TRERF1: variants seen among roughly 807,000 people sequenced by gnomAD.
TRERF1 encodes the protein transcriptional-regulating factor 1.
A neutral mutation model predicts 122.9 loss-of-function variants in TRERF1; 27 were observed. That is an observed-to-expected ratio of 0.22 (90% CI 0.16 to 0.30). The LOEUF (loss-of-function observed/expected upper bound fraction) is 0.30. Among genes scored for constraint, TRERF1 ranks in the 10% least tolerant of loss-of-function variants. The pLI is 1.00. For synonymous variants in TRERF1, 636 were observed against 641.7 expected, an observed-to-expected ratio of 0.99 and a Z score of 0.13; for missense variants, 1,248 against 1,560.3, an observed-to-expected ratio of 0.80 and a Z score of 3.37.
At chr6:42,233,646 C>T (rs1771351152) in intron 16 of TRERF1, among the ~76,000 whole-genome samples, 2 of 152,004 alleles carry the variant, frequency 1.3e-5, no homozygotes, top group Admixed American at 6.5e-5. Context: ...TTCCTTCCTT[C>T]CTCTTTCCCT....
At chr6:42,421,147 C>T (rs1410951809) in intron 2 of TRERF1, among the ~76,000 whole-genome samples, 2 of 152,204 alleles carry the variant, frequency 1.3e-5, no homozygotes, top group East Asian at 1.9e-4. Context: ...ATGCCTACCT[C>T]ATTGGGTCGT....
At chr6:42,310,735 A>G (rs1416392578) in intron 3 of TRERF1, among the ~76,000 whole-genome samples, 1 of 152,212 alleles carries the variant, frequency 6.6e-6, no homozygotes, top group Non-Finnish European at 1.5e-5. Flanking sequence ...GAGGCCAAAG[A>G]GTACCCACCC....
chr6:42,430,137 G>A (rs1432038688), intron 2 of TRERF1, among the ~76,000 whole-genome samples: 1 of 151,886 alleles, frequency 6.6e-6, no homozygotes, highest in African/African-American at 2.4e-5. Context: ...ACTACTGTAT[G>A]GACTCTGGCT....
chr6:42,364,349 G>A (rs1245714340), intron 2 of TRERF1, among the ~76,000 whole-genome samples: 1 of 152,112 alleles, frequency 6.6e-6, no homozygotes, highest in Admixed American at 6.5e-5. Flanking sequence ...CTCCTTCCCT[G>A]TTGTATTTCT....
intron 2 of TRERF1, among the ~76,000 whole-genome samples, chr6:42,398,162 CCT>C (rs1174369793): frequency 6.6e-6 from 1 of 152,124 alleles, no homozygotes; most frequent in Non-Finnish European, 1.5e-5. Flanking sequence ...GCTGTGTGCC[CCT>C]GATTAGATGA....
intron 13 of TRERF1, among the ~76,000 whole-genome samples, chr6:42,250,506 T>C (rs1171434643): frequency 6.6e-6 from 1 of 152,172 alleles, no homozygotes; most frequent in Non-Finnish European, 1.5e-5. Flanking sequence ...TCTTGGATCC[T>C]GCATCTTGGA....
At position 42,268,686 on chromosome 6, in the gene TRERF1, G is replaced by A. The variant is rs148715141; in HGVS notation, c.905C>T (p.Pro302Leu). The change falls in exon 5 of 18, where the codon CCG becomes CTG. Residue 302 changes from proline (P) to leucine (L), a missense_variant. Pro to Leu is a moderately conservative substitution (Grantham distance 98, BLOSUM62 -3). Around this residue, in one of 5 missense-constraint regions of TRERF1, gnomAD observed 946 missense variants for 1,073.0 expected, o/e 0.88. Coordinates refer to ENST00000372922, the Ensembl canonical transcript of TRERF1. The surrounding 1 kb of genome is among the most constrained non-coding windows in gnomAD (Gnocchi z 4.4). ...CTGCGGCTGCTGCTGCTGTGGCGGC[G>A]GCTGTGGCTGTGATGGGCGAATTTG... 5.8e-4 allele frequency: 944 copies of A among 1,614,124 alleles called. No homozygotes were observed. Among genetic ancestry groups the A allele is most frequent in the Admixed American group, 6.2e-4 (37 of 60,008 alleles).
At chr6:42,423,340 C>T (rs1014183056) in intron 2 of TRERF1, among the ~76,000 whole-genome samples, 7 of 152,194 alleles carry the variant, frequency 4.6e-5, no homozygotes, top group East Asian at 1.9e-4. Flanking sequence ...AGTTTCAGTA[C>T]GCATATTTGA....
chr6:42,249,569 C>CCACCAGGAATAGGATT (rs1315722239), intron 13 of TRERF1, among the ~76,000 whole-genome samples: 1 of 152,190 alleles, frequency 6.6e-6, no homozygotes, highest in Non-Finnish European at 1.5e-5. Flanking sequence ...GTTTTTAAGA[C>CCACCAGGAATAGGATT]TGCTGCTCTG....
At position 42,363,084 on chromosome 6, in the gene TRERF1, AG is replaced by A. The variant is rs1772072648; in HGVS notation, c.-453-6del. ...AGCATTCTCCACAGCCAGGGCCTGC[AG>A]GAGTGACCCAAAGAGCACAGTCAGG... On this transcript the variant is annotated splice_region_variant and splice_polypyrimidine_tract_variant and intron_variant, in intron 2 of 17. Coordinates refer to ENST00000372922, the Ensembl canonical transcript of TRERF1. The A allele has an allele frequency of 6.5e-6, 1 of 153,112 alleles. No homozygotes were observed. Among genetic ancestry groups the A allele is most frequent in the South Asian group, 2.1e-4 (1 of 4,828 alleles). 9.5% of individuals were successfully genotyped at this position (153,112 alleles called of 1,614,324 possible).
intron 3 of TRERF1, among the ~76,000 whole-genome samples, chr6:42,322,934 A>G (rs1051870482): frequency 6.6e-6 from 1 of 151,976 alleles, no homozygotes; most frequent in African/African-American, 2.4e-5. Context: ...GACACAATCC[A>G]CTGAGGTTGG....
At chr6:42,296,687 A>C (rs1785166439) in intron 4 of TRERF1, among the ~76,000 whole-genome samples, 1 of 152,176 alleles carries the variant, frequency 6.6e-6, no homozygotes, top group Non-Finnish European at 1.5e-5. Flanking sequence ...CACCATGAAA[A>C]AGAAAAACCA....
intron 4 of TRERF1, among the ~76,000 whole-genome samples, chr6:42,280,564 G>A (rs576546463): frequency 7.2e-5 from 11 of 152,310 alleles, no homozygotes; most frequent in Admixed American, 3.9e-4. Context: ...TGCAGCCCTC[G>A]GGGTTCAGCC....
chr6:42,229,397 C>T (rs1770071243), intron 17 of TRERF1, among the ~76,000 whole-genome samples: 1 of 152,210 alleles, frequency 6.6e-6, no homozygotes, highest in African/African-American at 2.4e-5. Flanking sequence ...CTTGGCCTCC[C>T]AAAGTGTTGT....
chr6:42,379,130 T>G (rs1462327944), intron 2 of TRERF1, among the ~76,000 whole-genome samples: 2 of 151,918 alleles, frequency 1.3e-5, no homozygotes, highest in Non-Finnish European at 1.5e-5. Context: ...AAAAAAAAAT[T>G]TTTTTAATAT....
chr6:42,258,653 C>T (rs1777204517), intron 9 of TRERF1, among the ~76,000 whole-genome samples: 1 of 152,230 alleles, frequency 6.6e-6, no homozygotes, highest in South Asian at 2.1e-4. Context: ...CGGCTCACTG[C>T]AGCCTCCGCT....
intron 2 of TRERF1, among the ~76,000 whole-genome samples, chr6:42,380,742 G>A (rs778454666): frequency 6.6e-5 from 10 of 152,154 alleles, no homozygotes; most frequent in Admixed American, 2.0e-4. Flanking sequence ...AAACAGCCAC[G>A]TCAGCAATGT....
intron 17 of TRERF1, among the ~76,000 whole-genome samples, chr6:42,231,529 G>A (rs949277941): frequency 1.3e-5 from 2 of 152,256 alleles, no homozygotes; most frequent in Admixed American, 1.3e-4. Context: ...ATGTTTTCGT[G>A]GTAGAGTTTC....
intron 2 of TRERF1, among the ~76,000 whole-genome samples, chr6:42,432,906 T>A (rs149639236): frequency 3.9e-5 from 6 of 151,938 alleles, no homozygotes; most frequent in African/African-American, 1.4e-4. Context: ...GGAAAATACT[T>A]CTAATGTTAA....
Sources: allele counts gnomAD v4.1 joint callset (sites outside exome capture counted in the v4.1 genomes callset), GRCh38; gene constraint gnomAD v4.1.1; regional missense constraint gnomAD v4.1.1; non-coding constraint Gnocchi (gnomAD v3.1); transcripts MANE v1.5; gene names NCBI Gene and HGNC (gene_info 2026-07-23, HGNC 2026-07-21).